The following ADAMTS20 variants were observed in gnomAD, a reference collection of about 807,000 sequenced individuals.
ADAMTS20 encodes A disintegrin and metalloproteinase with thrombospondin motifs 20.
Under a neutral mutation model 260.1 loss-of-function variants are expected in ADAMTS20, and 225 were observed. That is an observed-to-expected ratio of 0.87 (90% CI 0.78 to 0.97). The LOEUF (loss-of-function observed/expected upper bound fraction) is 0.97, where lower values mean the gene tolerates loss of function less well. Among genes scored for constraint, ADAMTS20 ranks in the 50% least tolerant of loss-of-function variants. ADAMTS20 has a pLI of 0.00. For missense variants in ADAMTS20, 2,400 were observed against 2,337.7 expected (o/e 1.03, Z -0.55); for synonymous variants, 802 against 769.5 (o/e 1.04, Z -0.70).
chr12:43,367,555 C>A (rs1390371401), intron 37 of ADAMTS20, among the ~76,000 whole-genome samples: 1 of 152,006 alleles, frequency 6.6e-6, no homozygotes, highest in Non-Finnish European at 1.5e-5. Flanking sequence ...ATACTCCTAG[C>A]TGACATACTT....
chr12:43,469,379 T>TGAA (rs1245294147), intron 7 of ADAMTS20, among the ~76,000 whole-genome samples: 2 of 152,114 alleles, frequency 1.3e-5, no homozygotes, highest in Non-Finnish European at 2.9e-5. Flanking sequence ...TGTTGAAAGA[T>TGAA]GAAGGTATGA....
At chr12:43,358,140 T>A (rs1939783759) in intron 37 of ADAMTS20, among the ~76,000 whole-genome samples, 1 of 152,230 alleles carries the variant, frequency 6.6e-6, no homozygotes, top group South Asian at 2.1e-4. Flanking sequence ...CTAATACTGT[T>A]GTTCCATTCT....
intron 28 of ADAMTS20, among the ~76,000 whole-genome samples, chr12:43,412,464 C>T (rs1941049500): frequency 6.6e-6 from 1 of 152,150 alleles, no homozygotes; most frequent in Non-Finnish European, 1.5e-5. Context: ...GAAAGGAAAG[C>T]TACATGTAAT....
At chr12:43,525,289 A>C (rs1233038667) in intron 3 of ADAMTS20, among the ~76,000 whole-genome samples, 1 of 152,214 alleles carries the variant, frequency 6.6e-6, no homozygotes, top group East Asian at 1.9e-4. Context: ...AAATTTCATA[A>C]ATGAAGAGGA....
chr12:43,358,290 T>A (rs527273348), intron 37 of ADAMTS20, among the ~76,000 whole-genome samples: 1 of 152,324 alleles, frequency 6.6e-6, no homozygotes, highest in African/African-American at 2.4e-5. Flanking sequence ...TCTAGAACTA[T>A]CGATTGTTCC....
intron 4 of ADAMTS20, among the ~76,000 whole-genome samples, chr12:43,498,774 G>A (rs1201849053): frequency 6.6e-6 from 1 of 152,170 alleles, no homozygotes; most frequent in Non-Finnish European, 1.5e-5. Context: ...GTGATCAACA[G>A]TCCCAGTTTG....
intron 28 of ADAMTS20, among the ~76,000 whole-genome samples, chr12:43,419,276 C>T (rs11182061): frequency 0.015 from 2,281 of 151,748 alleles, 51 homozygotes; most frequent in African/African-American, 0.051. Context: ...GAGAATGATA[C>T]GTATGATCAA....
chr12:43,502,431 C>T, intron 3 of ADAMTS20, 26 bp from the exon 4 acceptor site: 1 of 1,562,326 alleles, frequency 6.4e-7, no homozygotes, highest in Non-Finnish European at 8.6e-7. Flanking sequence ...GAATATAATG[C>T]AGAGCCATTA....
At chr12:43,372,943 T>G (rs746224792) in intron 36 of ADAMTS20, among the ~76,000 whole-genome samples, 1 of 152,114 alleles carries the variant, frequency 6.6e-6, no homozygotes, top group African/African-American at 2.4e-5. Context: ...ATTTTGAAAT[T>G]TGAAGCTACA....
At chr12:43,458,436 C>T (rs1942004146) in intron 11 of ADAMTS20, among the ~76,000 whole-genome samples, 1 of 152,198 alleles carries the variant, frequency 6.6e-6, no homozygotes, top group African/African-American at 2.4e-5. Context: ...CTCTTTCTCT[C>T]TTCACTTCAC....
intron 37 of ADAMTS20, among the ~76,000 whole-genome samples, chr12:43,357,883 T>A (rs1939778355): frequency 6.6e-6 from 1 of 152,164 alleles, no homozygotes; most frequent in Admixed American, 6.5e-5. Flanking sequence ...TGAATGACAC[T>A]AAAACCAGAC....
intron 37 of ADAMTS20, among the ~76,000 whole-genome samples, chr12:43,358,419 G>C (rs535686456): frequency 1.3e-5 from 2 of 152,124 alleles, no homozygotes; most frequent in Non-Finnish European, 2.9e-5. Flanking sequence ...TGATGTTGAC[G>C]GAGGTAAAAA....
In ADAMTS20 at chr12:43,428,682, C is replaced by T. The variant is rs146789743; in HGVS notation, c.3607G>A (p.Asp1203Asn). Residue 1203 changes from aspartate to asparagine, a missense_variant, in exon 25 of 39, where the codon GAC becomes AAC. Transcript: ENST00000389420. ...CACTCTCCACAAGGGGTAAAACAGT[C>T]CCATATTTCAGCAGGTCGGGGTAAG... ...AHLPRPAEIW[D>N]CFTPCGEWQA... 12 of 1,610,764 alleles carry T rather than the reference C, an allele frequency of 7.4e-6. 1 individual carries two copies. In the South Asian group the frequency reaches 1.3e-4, roughly 18 times the overall value.
intron 29 of ADAMTS20, among the ~76,000 whole-genome samples, chr12:43,394,714 G>A (rs1258271698): frequency 1.3e-5 from 2 of 152,068 alleles, no homozygotes; most frequent in Non-Finnish European, 2.9e-5. Flanking sequence ...GGAAATATAA[G>A]GATGAGCTAA....
At chr12:43,535,993 T>C (rs533673786) in intron 2 of ADAMTS20, among the ~76,000 whole-genome samples, 33 of 152,172 alleles carry the variant, frequency 2.2e-4, no homozygotes, top group African/African-American at 7.2e-4. Context: ...CTCTCTCGAG[T>C]CAGGTGAGGC....
At chr12:43,484,617 A>G (rs1195988608) in intron 7 of ADAMTS20, among the ~76,000 whole-genome samples, 2 of 152,194 alleles carry the variant, frequency 1.3e-5, no homozygotes, top group Non-Finnish European at 2.9e-5. Context: ...AAGACTTTCA[A>G]ATTAACCCAA....
At chr12:43,446,493 G>A in intron 15 of ADAMTS20, 102 bp downstream of exon 15, 4 of 857,168 alleles carry the variant, frequency 4.7e-6, no homozygotes, top group Non-Finnish European at 3.6e-6. Flanking sequence ...TAAGGGTATA[G>A]AGTAGACAAA....
At chr12:43,471,691 C>T (rs1466356286) in intron 7 of ADAMTS20, among the ~76,000 whole-genome samples, 208 of 135,916 alleles carry the variant, frequency 1.5e-3, no homozygotes, top group South Asian at 3.7e-3. Flanking sequence ...GACCCCCGAG[C>T]AGCCTAACTG....
At chr12:43,400,318 G>T (rs1019799877) in intron 28 of ADAMTS20, among the ~76,000 whole-genome samples, 1 of 151,902 alleles carries the variant, frequency 6.6e-6, no homozygotes, top group African/African-American at 2.4e-5. Flanking sequence ...TATGCATATT[G>T]TGAACTCATA....
Sources: allele counts gnomAD v4.1 joint callset (sites outside exome capture counted in the v4.1 genomes callset), GRCh38; gene constraint gnomAD v4.1.1; transcripts MANE v1.5; gene names NCBI Gene and HGNC (gene_info 2026-07-23, HGNC 2026-07-21).